CEP128: variants seen among roughly 807,000 people sequenced by gnomAD.
CEP128 encodes the protein centrosomal protein 128, also known as centrosomal protein 128kDa.
CEP128 carries 132 observed loss-of-function variants against 156.7 expected under a neutral mutation model. The observed-to-expected ratio is 0.84, with a 90% CI of 0.73 to 0.97. CEP128 has a LOEUF of 0.97. Among genes scored for constraint, CEP128 ranks in the 50% least tolerant of loss-of-function variants. CEP128 has a pLI of 0.00. For synonymous variants in CEP128, 469 were observed against 448.9 expected (o/e 1.04, Z -0.57); for missense variants, 1,252 against 1,281.9 (o/e 0.98, Z 0.36).
At chr14:80,599,389 C>A (rs1299113415) in intron 19 of CEP128, among the ~76,000 whole-genome samples, 1 of 151,204 alleles carries the variant, frequency 6.6e-6, no homozygotes, top group South Asian at 2.1e-4. Flanking sequence ...TCTCCTGCCT[C>A]AGCCTCCTGA....
At chr14:80,596,845 T>TGGG (rs371897566) in intron 19 of CEP128, among the ~76,000 whole-genome samples, 1 of 73,134 alleles carries the variant, frequency 1.4e-5, no homozygotes, top group Non-Finnish European at 2.4e-5. Flanking sequence ...AAAAAAAAGG[T>TGGG]GGGGGGGGGA....
chr14:80,818,161 A>G (rs1285083195), intron 13 of CEP128, among the ~76,000 whole-genome samples: 3 of 152,142 alleles, frequency 2.0e-5, no homozygotes, highest in African/African-American at 4.8e-5. Context: ...CTGGGACTAC[A>G]GGCATGTACC....
intron 16 of CEP128, among the ~76,000 whole-genome samples, chr14:80,767,449 C>T (rs541715876): frequency 1.3e-5 from 2 of 151,970 alleles, no homozygotes; most frequent in South Asian, 2.1e-4. Context: ...AAAAAATAAA[C>T]AAGACAAAGC....
intron 19 of CEP128, among the ~76,000 whole-genome samples, chr14:80,627,740 C>CTTT (rs11287309): frequency 1.5e-5 from 2 of 129,562 alleles, no homozygotes; most frequent in East Asian, 4.3e-4. Context: ...TTATTATTTT[C>CTTT]TTTTTTTTTT....
chr14:80,610,573 T>C (rs956583214), intron 19 of CEP128, among the ~76,000 whole-genome samples: 1 of 152,098 alleles, frequency 6.6e-6, no homozygotes, highest in African/African-American at 2.4e-5. Flanking sequence ...TGGGAAAACA[T>C]ATTTTCATTC....
chr14:80,821,283 A>G (rs538206539), intron 13 of CEP128, among the ~76,000 whole-genome samples: 8 of 152,348 alleles, frequency 5.3e-5, no homozygotes, highest in African/African-American at 1.7e-4. Context: ...CACTCTAAAG[A>G]TAAGGAAACT....
downstream of CEP128, among the ~76,000 whole-genome samples, chr14:80,491,972 A>C (rs1035216576): frequency 2.0e-5 from 3 of 152,206 alleles, no homozygotes; most frequent in African/African-American, 4.8e-5. Flanking sequence ...TATCCAGCTA[A>C]GTGCTGAGCA....
intron 19 of CEP128, among the ~76,000 whole-genome samples, chr14:80,723,271 C>T (rs1279153701): frequency 1.3e-5 from 2 of 152,148 alleles, no homozygotes; most frequent in Admixed American, 6.5e-5. Flanking sequence ...AAGGTAATCA[C>T]TATTTGATAA....
At chr14:80,804,771 T>G (rs1213503256) in intron 13 of CEP128, among the ~76,000 whole-genome samples, 1 of 152,206 alleles carries the variant, frequency 6.6e-6, no homozygotes, top group African/African-American at 2.4e-5. Context: ...TTAGAGATGC[T>G]TTAGTTTTAA....
chr14:80,592,876 T>C (rs956446333), intron 19 of CEP128, among the ~76,000 whole-genome samples: 1 of 152,218 alleles, frequency 6.6e-6, no homozygotes, highest in Non-Finnish European at 1.5e-5. Context: ...AATCATTATG[T>C]AAATAGAACC....
chr14:80,821,407 T>C (rs1595455018), intron 13 of CEP128, among the ~76,000 whole-genome samples: 2 of 152,160 alleles, frequency 1.3e-5, no homozygotes, highest in South Asian at 4.1e-4. Flanking sequence ...CTTAATTACT[T>C]ACTCAAGGAA....
rs1174024606 is a variant in CEP128 at position 80,640,925 on chromosome 14, A to G, written c.2807-60502T>C. Among the ~76,000 whole-genome samples, 3 of 152,328 alleles carry G rather than the reference A, an allele frequency of 2.0e-5. No homozygotes were observed. In the East Asian group the frequency reaches 5.8e-4, roughly 29 times the overall value. The stretch of plus-strand genomic sequence containing the variant: ...AAGAGCATGAGTTTTGAAGCCAGAT[A>G]AATATCCAGCTCTGTCACCACCTAG... On this transcript the variant is annotated intron_variant, in intron 19 of 24. Transcript: ENST00000555265.
chr14:80,698,144 CT>C (rs1327792592), intron 19 of CEP128, among the ~76,000 whole-genome samples: 1 of 151,862 alleles, frequency 6.6e-6, no homozygotes, highest in Non-Finnish European at 1.5e-5. Flanking sequence ...TTTAAAAATA[CT>C]TTATTTCAGT....
chr14:80,918,195 C>A (rs935700514), intron 2 of CEP128, among the ~76,000 whole-genome samples: 1 of 151,994 alleles, frequency 6.6e-6, no homozygotes, highest in Non-Finnish European at 1.5e-5. Flanking sequence ...TGCTTAAGTC[C>A]AAAGGAAAAA....
intron 18 of CEP128, among the ~76,000 whole-genome samples, chr14:80,744,033 G>A (rs554518616): frequency 4.6e-5 from 7 of 151,892 alleles, no homozygotes; most frequent in African/African-American, 1.7e-4. Flanking sequence ...ACCATGTCTG[G>A]CTAACTGTTT....
At position 80,609,962 on chromosome 14, in the gene CEP128, A is replaced by G. The variant is rs564172986; in HGVS notation, c.2807-29539T>C. On this transcript the variant is annotated intron_variant, in intron 19 of 24. Coordinates refer to ENST00000555265, the MANE Select transcript of CEP128 (RefSeq NM_152446.5). ...ATCTCTCAGGTACCCTCAAGAGTCA[A>G]CTTCTATTACCACTGTCTAAATTTT... is the stretch of plus-strand genomic sequence containing the variant. Among the ~76,000 whole-genome samples, 14 of 152,274 alleles carry G rather than the reference A, an allele frequency of 9.2e-5. 1 individual carries two copies. The South Asian group carries it at 2.9e-3, about 32-fold the overall frequency.
chr14:80,901,025 T>C (rs1257037061), intron 6 of CEP128, among the ~76,000 whole-genome samples: 5 of 151,658 alleles, frequency 3.3e-5, no homozygotes, highest in African/African-American at 4.8e-5. Flanking sequence ...GCTAACACGG[T>C]GAAACCCCGT....
At chr14:80,884,161 G>A (rs752463161) in intron 8 of CEP128, among the ~76,000 whole-genome samples, 8 of 152,158 alleles carry the variant, frequency 5.3e-5, no homozygotes, top group Non-Finnish European at 1.2e-4. Flanking sequence ...CAGGACATTG[G>A]AGTAAGCAAA....
rs564460577 is a variant in CEP128 at position 80,568,280 on chromosome 14, C to T, written c.2857-8978G>A. Among the ~76,000 whole-genome samples the T allele has an allele frequency of 5.5e-4, 84 of 152,284 alleles. 1 individual carries two copies. In the Middle Eastern group the frequency reaches 0.014, roughly 25 times the overall value. On this transcript the variant is annotated intron_variant, in intron 20 of 24. Coordinates refer to ENST00000555265, the MANE Select transcript of CEP128 (RefSeq NM_152446.5). ...TATAACCACAGAATCCTTCCTCCCA[C>T]GCCGTGTTCTCCTGAGTCTTTAAAT...
Sources: allele counts gnomAD v4.1 joint callset (sites outside exome capture counted in the v4.1 genomes callset), GRCh38; gene constraint gnomAD v4.1.1; transcripts MANE v1.5; gene names NCBI Gene and HGNC (gene_info 2026-07-23, HGNC 2026-07-21).